The following ZCCHC14 variants were observed in gnomAD, a reference collection of about 807,000 sequenced individuals.
The protein encoded by ZCCHC14 is zinc finger CCHC-type containing 14, also known as zinc finger CCHC domain-containing protein 14.
ZCCHC14 carries 16 observed loss-of-function variants against 85.0 expected under a neutral mutation model. The ratio of observed to expected loss-of-function variants is 0.19; its 90% CI spans 0.13 to 0.29. The LOEUF is 0.29. Among genes scored for constraint, ZCCHC14 ranks in the 10% least tolerant of loss-of-function variants. ZCCHC14 has a pLI of 1.00. For missense variants in ZCCHC14, 1,303 were observed against 1,443.5 expected, an observed-to-expected ratio of 0.90 and a Z score of 1.58; for synonymous variants, 775 against 630.7, an observed-to-expected ratio of 1.23 and a Z score of -3.43.
At chr16:87,427,870 G>A (rs551289721) in intron 3 of ZCCHC14, among the ~76,000 whole-genome samples, 3 of 151,660 alleles carry the variant, frequency 2.0e-5, no homozygotes, top group South Asian at 2.1e-4. Context: ...TGGCTCAAGC[G>A]ATCCGTCTGC....
chr16:87,411,163 C>G (rs753976389), intron 12 of ZCCHC14, among the ~76,000 whole-genome samples: 1 of 152,246 alleles, frequency 6.6e-6, no homozygotes, highest in Non-Finnish European at 1.5e-5. Context: ...TCCGGAATGC[C>G]GATGCGCCAC....
intron 1 of ZCCHC14, among the ~76,000 whole-genome samples, chr16:87,464,109 C>A (rs1409214685): frequency 6.6e-6 from 1 of 152,228 alleles, no homozygotes; most frequent in Non-Finnish European, 1.5e-5. Flanking sequence ...CGCCTGCCCA[C>A]CCTAAAACAC....
chr16:87,469,978 G>A (rs1354350814), intron 1 of ZCCHC14, among the ~76,000 whole-genome samples: 4 of 152,160 alleles, frequency 2.6e-5, no homozygotes, highest in Non-Finnish European at 5.9e-5. Context: ...AGTGGCTCAC[G>A]CCTGCAATCC....
At chr16:87,464,830 CG>C (rs1911444997) in intron 1 of ZCCHC14, among the ~76,000 whole-genome samples, 1 of 152,188 alleles carries the variant, frequency 6.6e-6, no homozygotes, top group African/African-American at 2.4e-5. Context: ...GTTTGCTCCA[CG>C]TGACCTATGT....
chr16:87,417,822 G>A lies in ZCCHC14; in HGVS notation c.1101-80C>T, dbSNP rs531471039. The A allele has an allele frequency of 2.3e-5, 33 of 1,439,362 alleles. 1 individual carries two copies. The Admixed American group carries it at 6.4e-4, about 28-fold the overall frequency. 89.2% of individuals were successfully genotyped at this position (1,439,362 alleles called of 1,614,324 possible). A position where few individuals can be genotyped will look rare whatever the true frequency, so the allele number is the denominator to read the frequency against. On this transcript the variant is annotated intron_variant, in intron 7 of 12. Coordinates refer to ENST00000671377, the MANE Select transcript of ZCCHC14 (RefSeq NM_015144.3). ...ACTCCACCACAGACCTCACTTCCAGGCCTTTCTGTGCCAGCCTCTGCCTCT... is the reference window on the plus strand; with the variant it reads ...ACTCCACCACAGACCTCACTTCCAGACCTTTCTGTGCCAGCCTCTGCCTCT...
chr16:87,478,385 G>A (rs1432248365), intron 1 of ZCCHC14, among the ~76,000 whole-genome samples: 1 of 152,146 alleles, frequency 6.6e-6, no homozygotes, highest in East Asian at 1.9e-4. Context: ...TAGAAAAAAG[G>A]CCTGGGAGTC....
chr16:87,441,272 G>A lies in ZCCHC14; in HGVS notation c.695-8071C>T, dbSNP rs142955922. On this transcript the variant is annotated intron_variant, in intron 2 of 12. Transcript: ENST00000671377. ...CTCCCAAAGTGCTGGGATTACAGGC[G>A]TGAGCCACCATGCCCGGCCTCCCAT... Among the ~76,000 whole-genome samples the A allele has an allele frequency of 2.3e-3, 345 of 152,288 alleles. 2 individuals are homozygous for A. Among genetic ancestry groups the A allele is most frequent in the African/African-American group, 7.8e-3 (324 of 41,564 alleles).
At chr16:87,439,200 C>T (rs1322754920) in intron 2 of ZCCHC14, among the ~76,000 whole-genome samples, 1 of 150,262 alleles carries the variant, frequency 6.7e-6, no homozygotes, top group African/African-American at 2.5e-5. Context: ...GTGGCATGAT[C>T]TCAGTTCACT....
chr16:87,443,864 C>T (rs554145168), intron 2 of ZCCHC14, among the ~76,000 whole-genome samples: 1 of 152,190 alleles, frequency 6.6e-6, no homozygotes, highest in East Asian at 1.9e-4. Flanking sequence ...TGGGGAAACC[C>T]AATCTCTACT....
At chr16:87,456,481 T>C (rs559102914) in intron 2 of ZCCHC14, among the ~76,000 whole-genome samples, 156 of 137,572 alleles carry the variant, frequency 1.1e-3, no homozygotes, top group African/African-American at 4.0e-3. Flanking sequence ...TGCAGTGAGC[T>C]GTGATTGCGC....
At chr16:87,441,507 G>A (rs1910184056) in intron 2 of ZCCHC14, among the ~76,000 whole-genome samples, 1 of 151,900 alleles carries the variant, frequency 6.6e-6, no homozygotes. Context: ...TTGGATTCAA[G>A]TTTGAAAGGC....
At chr16:87,413,688 G>A (rs184088520) in intron 10 of ZCCHC14, among the ~76,000 whole-genome samples, 8 of 152,214 alleles carry the variant, frequency 5.3e-5, no homozygotes, top group Admixed American at 4.6e-4. Context: ...TTCTGAGAGG[G>A]GAGGATGAAA....
At chr16:87,463,311 G>C (rs1911362170) in intron 1 of ZCCHC14, among the ~76,000 whole-genome samples, 1 of 152,116 alleles carries the variant, frequency 6.6e-6, no homozygotes, top group Non-Finnish European at 1.5e-5. Flanking sequence ...GAGCCCAGGA[G>C]TTTGAAGCTG....
intron 4 of ZCCHC14, among the ~76,000 whole-genome samples, chr16:87,423,490 T>C (rs549394711): frequency 4.6e-5 from 7 of 152,338 alleles, no homozygotes; most frequent in Middle Eastern, 6.8e-3. Flanking sequence ...CCCCCAGCCT[T>C]TGCCAAGGAA....
At chr16:87,463,458 A>C (rs1911369473) in intron 1 of ZCCHC14, among the ~76,000 whole-genome samples, 1 of 152,226 alleles carries the variant, frequency 6.6e-6, no homozygotes, top group South Asian at 2.1e-4. Context: ...TCTCTTAGCT[A>C]CTTTGGTACA....
In ZCCHC14 at chr16:87,492,399, G is replaced by A. The variant is rs1912810468; in HGVS notation, c.-161C>T. Among the ~76,000 whole-genome samples the A allele has an allele frequency of 1.4e-5, 2 of 144,728 alleles. No individual in the cohort carries two copies. The highest frequency in any genetic ancestry group is 2.1e-4 in the South Asian group (1 of 4,786). The allele number at this position is 144,728 out of a possible 152,430, so 94.9% of individuals were successfully genotyped here. A position where few individuals can be genotyped will look rare whatever the true frequency, so the allele number is the denominator to read the frequency against. On this transcript the variant is annotated 5_prime_UTR_variant, in exon 1 of 13. Transcript: ENST00000671377. This position sits in a 1 kb window ranked among gnomAD's most constrained non-coding sequence, Gnocchi z 6.7. ...GGCGCCGCGGGCCGGGCGGGCGCCG[G>A]GGCGGGGGCGGGGACCGGGGCCGGG...
At chr16:87,444,038 G>GAAAAAAAAAAAAAAA (rs56352252) in intron 2 of ZCCHC14, among the ~76,000 whole-genome samples, 5 of 77,090 alleles carry the variant, frequency 6.5e-5, no homozygotes, top group Non-Finnish European at 1.1e-4. Flanking sequence ...CTCTATCACA[G>GAAAAAAAAAAAAAAA]AAAAAAAAAA....
chr16:87,444,052 A>AG (rs1305916882), intron 2 of ZCCHC14, among the ~76,000 whole-genome samples: 2 of 150,048 alleles, frequency 1.3e-5, no homozygotes, highest in East Asian at 3.9e-4. Context: ...AAAAAAAAAA[A>AG]AAAAAAAGAA....
chr16:87,458,997 C>T (rs1207458552), intron 2 of ZCCHC14, among the ~76,000 whole-genome samples: 1 of 152,150 alleles, frequency 6.6e-6, no homozygotes, highest in Non-Finnish European at 1.5e-5. Context: ...CTACAAACCA[C>T]CTTACTCTCC....
Sources: gnomAD v4.1 joint callset for allele counts (sites outside exome capture counted in the v4.1 genomes callset) on GRCh38, gnomAD v4.1.1 for gene constraint, Gnocchi (gnomAD v3.1) non-coding constraint, MANE v1.5 for transcripts, NCBI Gene and HGNC (gene_info 2026-07-23, HGNC 2026-07-21) for gene names.